Variants in FBLN5 observed in about 807,000 individuals in gnomAD.
FBLN5 encodes the protein fibulin 5, also known as fibulin-5.
FBLN5 carries 24 observed loss-of-function variants against 61.6 expected under a neutral mutation model. That is an observed-to-expected ratio of 0.39 (90% CI 0.28 to 0.55). The LOEUF is 0.55. Among genes scored for constraint, FBLN5 ranks in the 20% least tolerant of loss-of-function variants. The pLI, the probability that FBLN5 is intolerant of heterozygous loss-of-function variation, is 0.65. For missense variants in FBLN5, 470 were observed against 594.1 expected (o/e 0.79, Z 2.17); for synonymous variants, 213 against 219.8 (o/e 0.97, Z 0.27).
chr14:91,938,074 T>C (rs1026171318), intron 3 of FBLN5, among the ~76,000 whole-genome samples: 3 of 152,242 alleles, frequency 2.0e-5, no homozygotes, highest in Non-Finnish European at 2.9e-5. Flanking sequence ...TACTATACTC[T>C]GAAAATACTG....
intron 4 of FBLN5, among the ~76,000 whole-genome samples, chr14:91,912,329 T>G (rs1394084214): frequency 1.3e-5 from 2 of 152,060 alleles, no homozygotes; most frequent in African/African-American, 4.8e-5. Flanking sequence ...AGACCCTGTC[T>G]CTACAAAAAA....
At position 91,942,957 on chromosome 14, in the gene FBLN5, G is replaced by A. The variant is rs914056629; in HGVS notation, c.22C>T (p.Leu8Phe). The change falls in exon 2 of 11, where the codon CTC becomes TTC. Residue 8 changes from leucine to phenylalanine, a missense_variant. Physicochemically the swap from Leu to Phe is conservative, Grantham distance 22 (BLOSUM62 0). Coordinates refer to ENST00000342058, the MANE Select transcript of FBLN5 (RefSeq NM_006329.4). ...CAGAGAGCCAGAATGGTAACAGTGA[G>A]TATCCTGTGGAGGTGAAAAGTCAAA... MPGIKRI[L>F]TVTILALCLP... 4 of 1,550,778 alleles carry A rather than the reference G, an allele frequency of 2.6e-6. No individual in the cohort carries two copies. Among genetic ancestry groups the A allele is most frequent in the Non-Finnish European group, 3.5e-6 (4 of 1,143,802 alleles).
At chr14:91,879,573 G>C (rs912776289) in intron 9 of FBLN5, among the ~76,000 whole-genome samples, 1 of 152,210 alleles carries the variant, frequency 6.6e-6, no homozygotes, top group Non-Finnish European at 1.5e-5. Context: ...CCACAGACGG[G>C]GTGGCCTGGA....
At position 91,870,132 on chromosome 14, in the gene FBLN5, G is replaced by C; in HGVS notation, c.*92C>G. ...AAACGTTCAGCAGGAAATGCCTAAC[G>C]TCTGTGTCGCTCTCATTCTCTCTGT... On this transcript the variant is annotated 3_prime_UTR_variant, in exon 11 of 11. Coordinates refer to ENST00000342058, the MANE Select transcript of FBLN5 (RefSeq NM_006329.4). 1 of 1,321,378 alleles carries C rather than the reference G, an allele frequency of 7.6e-7. No individual in the cohort carries two copies. The highest frequency in any genetic ancestry group is 1.1e-6 in the Non-Finnish European group (1 of 919,766). 81.9% of individuals were successfully genotyped at this position (1,321,378 alleles called of 1,614,324 possible).
intron 7 of FBLN5, among the ~76,000 whole-genome samples, chr14:91,883,755 C>G (rs931163952): frequency 6.6e-6 from 1 of 151,340 alleles, no homozygotes; most frequent in African/African-American, 2.4e-5. Flanking sequence ...TATAATTTTT[C>G]TCTTTGTGGC....
At chr14:91,890,035 G>A (rs1187627845) in intron 6 of FBLN5, among the ~76,000 whole-genome samples, 1 of 152,192 alleles carries the variant, frequency 6.6e-6, no homozygotes, top group African/African-American at 2.4e-5. Flanking sequence ...AGGGAGCCAG[G>A]CGCCCCCTCC....
chr14:91,906,156 G>A (rs1002746664), intron 4 of FBLN5, among the ~76,000 whole-genome samples: 1 of 152,184 alleles, frequency 6.6e-6, no homozygotes, highest in African/African-American at 2.4e-5. Flanking sequence ...CAAAGTGCTG[G>A]GATTATAGGC....
intron 4 of FBLN5, among the ~76,000 whole-genome samples, chr14:91,901,339 G>T (rs1890442091): frequency 6.6e-6 from 1 of 152,214 alleles, no homozygotes; most frequent in Non-Finnish European, 1.5e-5. Context: ...GACACTGGGA[G>T]AAGCTTTCCA....
intron 5 of FBLN5, among the ~76,000 whole-genome samples, chr14:91,894,493 G>A (rs1355949155): frequency 1.3e-5 from 2 of 150,706 alleles, no homozygotes; most frequent in Non-Finnish European, 2.9e-5. Flanking sequence ...TTTTGAGGCG[G>A]GCAGATGACT....
intron 4 of FBLN5, among the ~76,000 whole-genome samples, chr14:91,910,307 G>A (rs781501303): frequency 2.0e-5 from 3 of 152,248 alleles, no homozygotes; most frequent in Non-Finnish European, 2.9e-5. Flanking sequence ...CCACTTATAT[G>A]ATATATTTAA....
At chr14:91,890,020 CAGCA>C (rs1429810108) in intron 6 of FBLN5, among the ~76,000 whole-genome samples, 1 of 152,206 alleles carries the variant, frequency 6.6e-6, no homozygotes, top group Non-Finnish European at 1.5e-5. Flanking sequence ...CTTATCACAG[CAGCA>C]AGGGAGCCAG....
intron 4 of FBLN5, among the ~76,000 whole-genome samples, chr14:91,903,821 C>T (rs146359995): frequency 1.8e-4 from 27 of 152,310 alleles, no homozygotes; most frequent in African/African-American, 5.8e-4. Flanking sequence ...ACTTTCCTTA[C>T]ATCCCCTACC....
intron 4 of FBLN5, among the ~76,000 whole-genome samples, chr14:91,935,293 C>T (rs1213947348): frequency 2.0e-5 from 3 of 152,208 alleles, no homozygotes; most frequent in African/African-American, 4.8e-5. Context: ...TGGAGAAAGC[C>T]GCAGCAGTTC....
At chr14:91,899,516 C>T (rs1342369841) in intron 4 of FBLN5, among the ~76,000 whole-genome samples, 1 of 152,252 alleles carries the variant, frequency 6.6e-6, no homozygotes, top group Non-Finnish European at 1.5e-5. Flanking sequence ...TGCAGTCTCA[C>T]CTGCACTGGC....
At chr14:91,889,772 C>T (rs1016816923) in intron 6 of FBLN5, among the ~76,000 whole-genome samples, 4 of 152,218 alleles carry the variant, frequency 2.6e-5, no homozygotes, top group African/African-American at 7.2e-5. Flanking sequence ...TGGCTGAGTG[C>T]CCATACCCAG....
At chr14:91,926,169 C>G (rs1390663002) in intron 4 of FBLN5, among the ~76,000 whole-genome samples, 2 of 152,194 alleles carry the variant, frequency 1.3e-5, no homozygotes, top group Non-Finnish European at 2.9e-5. Flanking sequence ...CTTCCCTGAA[C>G]CCCCGACAGC....
intron 10 of FBLN5, chr14:91,873,699 A>C (rs1342854176): frequency 6.6e-6 from 1 of 152,308 alleles, no homozygotes; most frequent in African/African-American, 2.4e-5. Context: ...AATGCACACG[A>C]ATGACTGAAC....
At chr14:91,924,456 G>A (rs1032375174) in intron 4 of FBLN5, among the ~76,000 whole-genome samples, 1 of 152,182 alleles carries the variant, frequency 6.6e-6, no homozygotes, top group Non-Finnish European at 1.5e-5. Context: ...GGGAGGCAGA[G>A]GTGGGCGGAT....
At chr14:91,905,054 G>A (rs908529273) in intron 4 of FBLN5, among the ~76,000 whole-genome samples, 4 of 152,204 alleles carry the variant, frequency 2.6e-5, no homozygotes, top group Non-Finnish European at 5.9e-5. Context: ...CTGGCCGTGA[G>A]AATACCCAGG....
Sources: gnomAD v4.1 joint callset for allele counts (sites outside exome capture counted in the v4.1 genomes callset) on GRCh38, gnomAD v4.1.1 for gene constraint, MANE v1.5 for transcripts, NCBI Gene and HGNC (gene_info 2026-07-23, HGNC 2026-07-21) for gene names.